Variants in CAPRIN1 observed in about 807,000 individuals in gnomAD.
The protein encoded by CAPRIN1 is caprin-1.
A neutral mutation model predicts 100.9 loss-of-function variants in CAPRIN1; 29 were observed. The observed-to-expected ratio is 0.29, with a 90% CI of 0.21 to 0.39. The LOEUF (loss-of-function observed/expected upper bound fraction) is 0.39. Ranked by LOEUF, CAPRIN1 falls within the 10% of genes least tolerant of loss-of-function variation. CAPRIN1 has a pLI of 1.00. For synonymous variants in CAPRIN1, 338 were observed against 307.5 expected (o/e 1.10, Z -1.04); for missense variants, 795 against 876.7 (o/e 0.91, Z 1.18).
At chr11:34,099,070 A>G in intron 18 of CAPRIN1, 1 of 1,402,286 alleles carries the variant, frequency 7.1e-7, no homozygotes, top group Non-Finnish European at 9.3e-7. Flanking sequence ...ATGAATGAGT[A>G]CTGGTGGAAT....
rs1374104499 is a variant in CAPRIN1, at chr11:34,090,645, T to C, written c.1521T>C (p.Asn507=). 6.2e-7 allele frequency: 1 copy of C among 1,614,056 alleles called. No homozygotes were observed. Among genetic ancestry groups the C allele is most frequent in the Non-Finnish European group, 8.5e-7 (1 of 1,180,024 alleles). The change falls in exon 14 of 19, where the codon AAT becomes AAC. Residue 507 remains asparagine (N), a synonymous_variant. Coordinates refer to ENST00000341394, the MANE Select transcript of CAPRIN1 (RefSeq NM_005898.5). ...AACCTTTACATAGCAGTGGAATCAA[T>C]GTAAATGCAGCTCCATTCCAATCCA... ...TSKPLHSSGI[N]VNAAPFQSMQ...
chr11:34,053,089 G>A, intron 2 of CAPRIN1: 8 of 1,023,814 alleles, frequency 7.8e-6, no homozygotes, highest in Non-Finnish European at 9.4e-6. Context: ...CCTGCGTCCT[G>A]CAGCCTTGGG....
At chr11:34,077,027 G>A (rs1215109746) in intron 6 of CAPRIN1, among the ~76,000 whole-genome samples, 15 of 152,258 alleles carry the variant, frequency 9.9e-5, no homozygotes, top group African/African-American at 2.9e-4. Context: ...GAGCCACTGC[G>A]CCCAGCTAGT....
At chr11:34,082,736 A>G (rs1851058097) in intron 7 of CAPRIN1, 89 bp from the exon 8 acceptor site, 5 of 872,072 alleles carry the variant, frequency 5.7e-6, no homozygotes, top group Non-Finnish European at 7.5e-6. Flanking sequence ...CAAATGCATA[A>G]TGACGTGTAT....
rs185177403 is a variant in CAPRIN1 at position 34,058,236 on chromosome 11, A to G, written c.216+5600A>G. Reference sequence around the variant, plus strand: ...ACTGCAACCTCTGCCTCCTGGGTTCAAGTGATTCTCATGCCTCAGCCTCCC... The same window carrying G: ...ACTGCAACCTCTGCCTCCTGGGTTCGAGTGATTCTCATGCCTCAGCCTCCC... On this transcript the variant is annotated intron_variant, in intron 2 of 18. Transcript: ENST00000341394. 5.2e-3 allele frequency among the ~76,000 whole-genome samples: 784 copies of G among 152,070 alleles called. 4 individuals carry two copies. The highest frequency in any genetic ancestry group is 0.018 in the African/African-American group (739 of 41,486).
intron 4 of CAPRIN1, among the ~76,000 whole-genome samples, chr11:34,072,770 C>T (rs1394491683): frequency 6.6e-6 from 1 of 152,174 alleles, no homozygotes; most frequent in Non-Finnish European, 1.5e-5. Flanking sequence ...AGACTAATAA[C>T]ATTGAAATAC....
At chr11:34,088,383 G>A (rs924526993) in intron 11 of CAPRIN1, among the ~76,000 whole-genome samples, 8 of 152,068 alleles carry the variant, frequency 5.3e-5, no homozygotes, top group African/African-American at 1.9e-4. Context: ...ATATTGAGCC[G>A]GGTATGGTAG....
In CAPRIN1 at chr11:34,100,302, T is replaced by C. The variant is rs1851435038; in HGVS notation, c.*935T>C. On this transcript the variant is annotated 3_prime_UTR_variant, in exon 19 of 19. Coordinates refer to ENST00000341394, the MANE Select transcript of CAPRIN1 (RefSeq NM_005898.5). ...TCTCTAGTGGATAATCATAACACTC[T>C]CGGTCACATGTTTTTCCTTCAGCTT... 1 of 152,190 alleles carries C rather than the reference T, an allele frequency of 6.6e-6. No individual in the cohort carries two copies. Among genetic ancestry groups the C allele is most frequent in the Admixed American group, 6.5e-5 (1 of 15,282 alleles). 9.4% of individuals were successfully genotyped at this position (152,190 alleles called of 1,614,324 possible). A position where few individuals can be genotyped will look rare whatever the true frequency, so the allele number is the denominator to read the frequency against.
Position 34,098,176 on chromosome 11 carries a change from G to A in CAPRIN1, c.2065+415G>A, listed in dbSNP as rs533781079. 3.0e-6 allele frequency: 3 copies of A among 997,844 alleles called. No homozygotes were observed. In the East Asian group the frequency reaches 3.1e-4, roughly 103 times the overall value. The allele number at this position is 997,844 out of a possible 1,614,324, so 61.8% of individuals were successfully genotyped here. A position where few individuals can be genotyped will look rare whatever the true frequency, so the allele number is the denominator to read the frequency against. ...TGAAACATGCCTATTATATTTTAGG[G>A]CCAGACACCCTTTAATGGCCGGATA... On this transcript the variant is annotated intron_variant, in intron 18 of 18. Transcript: ENST00000341394.
At chr11:34,095,863 G>A (rs1424162459) in intron 15 of CAPRIN1, 2 of 152,332 alleles carry the variant, frequency 1.3e-5, no homozygotes, top group Admixed American at 6.5e-5. Flanking sequence ...TGAGTACCAT[G>A]TGATTGTTTT....
intron 2 of CAPRIN1, among the ~76,000 whole-genome samples, chr11:34,068,807 A>G (rs971696150): frequency 3.3e-5 from 5 of 152,104 alleles, no homozygotes; most frequent in African/African-American, 1.2e-4. Context: ...ATCTTTTTAT[A>G]TTTATTTTCA....
chr11:34,075,004 T>C (rs1850878929), intron 4 of CAPRIN1, among the ~76,000 whole-genome samples: 1 of 152,074 alleles, frequency 6.6e-6, no homozygotes, highest in Non-Finnish European at 1.5e-5. Flanking sequence ...CTTGGAAACA[T>C]AGACCTTGCC....
chr11:34,067,005 G>GTA (rs1262552528), intron 2 of CAPRIN1, among the ~76,000 whole-genome samples: 2 of 149,876 alleles, frequency 1.3e-5, no homozygotes, highest in African/African-American at 2.5e-5. Context: ...TCTCGACTCA[G>GTA]TGTAGTCTCC....
rs1031051685 is a variant in CAPRIN1 at position 34,099,024 on chromosome 11, T to C, written c.2066-279T>C. ...ACGCTTGATGATGGTGCCTGGCACA[T>C]AGTAGGCACTCAATAAATATTTGTT... On this transcript the variant is annotated intron_variant, in intron 18 of 18. Coordinates refer to ENST00000341394, the MANE Select transcript of CAPRIN1 (RefSeq NM_005898.5). The C allele has an allele frequency of 8.4e-6, 11 of 1,309,466 alleles. No homozygotes were observed. The African/African-American group carries it at 1.5e-4, about 18-fold the overall frequency. The allele number at this position is 1,309,466 out of a possible 1,614,324, so 81.1% of individuals were successfully genotyped here.
intron 2 of CAPRIN1, among the ~76,000 whole-genome samples, chr11:34,062,107 T>C (rs1850592598): frequency 6.6e-6 from 1 of 152,178 alleles, no homozygotes; most frequent in South Asian, 2.1e-4. Context: ...TGGATTGTAG[T>C]GTATGTTCTT....
chr11:34,090,770 C>T, intron 14 of CAPRIN1, 92 bp downstream of exon 14: 2 of 1,091,002 alleles, frequency 1.8e-6, no homozygotes, highest in South Asian at 1.5e-5. Context: ...TTTAACTGTG[C>T]TTGAGTCTGC....
chr11:34,081,332 T>C, intron 7 of CAPRIN1, among the ~76,000 whole-genome samples: 1 of 151,038 alleles, frequency 6.6e-6, no homozygotes, highest in Non-Finnish European at 1.5e-5. Context: ...TCCTGAGTAG[T>C]GGGGACTACA....
chr11:34,096,433 G>C, intron 15 of CAPRIN1, 46 bp from the exon 16 acceptor site: 1 of 1,432,366 alleles, frequency 7.0e-7, no homozygotes. Flanking sequence ...AGAACAAACG[G>C]TAATGAGCTG....
At chr11:34,093,197 T>TA (rs1851296389) in intron 15 of CAPRIN1, among the ~76,000 whole-genome samples, 1 of 26,160 alleles carries the variant, frequency 3.8e-5, no homozygotes, top group Admixed American at 5.7e-4. Flanking sequence ...TTTTTTTTTA[T>TA]ATATATATTT....
Sources: gnomAD v4.1 joint callset for allele counts (sites outside exome capture counted in the v4.1 genomes callset) on GRCh38, gnomAD v4.1.1 for gene constraint, MANE v1.5 for transcripts, NCBI Gene and HGNC (gene_info 2026-07-23, HGNC 2026-07-21) for gene names.